The following BLTP1 variants were observed in gnomAD, a reference collection of about 807,000 sequenced individuals.
BLTP1 encodes the protein fragile site-associated protein.
At chr4:122,349,992 A>G in the BLTP1 span, 5 of 1,613,818 alleles carry the variant, frequency 3.1e-6, no homozygotes, top group Non-Finnish European at 4.2e-6. The surrounding 1 kb of genome is among the most constrained non-coding windows in gnomAD (Gnocchi z 4.5). Flanking sequence ...CCAGCAAACG[A>G]GCTCTGTCTA....
the BLTP1 span, chr4:122,152,642 C>T: frequency 1.0e-6 from 1 of 985,352 alleles, no homozygotes; most frequent in Non-Finnish European, 1.2e-6. Context: ...TTTCCAGTGT[C>T]TCTGGAACTC....
At chr4:122,244,821 T>C in the BLTP1 span, 1 of 382,894 alleles carries the variant, frequency 2.6e-6, no homozygotes, top group African/African-American at 2.2e-5. Context: ...CATCTTGGGG[T>C]GAAGGTGGTG....
the BLTP1 span, chr4:122,266,690 G>A: frequency 2.6e-5 from 29 of 1,130,960 alleles, no homozygotes; most frequent in Non-Finnish European, 3.6e-5. Flanking sequence ...ACTGAGGTAG[G>A]GTAAGAAATA....
At chr4:122,345,119 T>A in the BLTP1 span, 1 of 724,374 alleles carries the variant, frequency 1.4e-6, no homozygotes, top group Non-Finnish European at 1.7e-6. Context: ...TATGTTCACT[T>A]AACCCAATAT....
chr4:122,302,776 T>C, the BLTP1 span, among the ~76,000 whole-genome samples: 8 of 152,274 alleles, frequency 5.3e-5, no homozygotes, highest in Admixed American at 2.0e-4. Context: ...ATTGCAGATA[T>C]GGAGAAAGTT....
At chr4:122,350,757 A>G in the BLTP1 span, among the ~76,000 whole-genome samples, 1 of 152,164 alleles carries the variant, frequency 6.6e-6, no homozygotes, top group African/African-American at 2.4e-5. Context: ...ATGTGGGGGA[A>G]GAGAGTTCCA....
At chr4:122,217,569 C>T in the BLTP1 span, among the ~76,000 whole-genome samples, 1 of 152,138 alleles carries the variant, frequency 6.6e-6, no homozygotes, top group East Asian at 1.9e-4. Flanking sequence ...GTGAAACCCA[C>T]TTGATCATGG....
chr4:122,348,326 A>G, the BLTP1 span, among the ~76,000 whole-genome samples: 1 of 152,168 alleles, frequency 6.6e-6, no homozygotes, highest in Non-Finnish European at 1.5e-5. Context: ...ATTTCCTCAT[A>G]TAAAATGGGG....
At chr4:122,308,854 G>A in the BLTP1 span, among the ~76,000 whole-genome samples, 1 of 151,972 alleles carries the variant, frequency 6.6e-6, no homozygotes, top group Non-Finnish European at 1.5e-5. Context: ...GATTCTGTTC[G>A]GTAAGACAGT....
the BLTP1 span, among the ~76,000 whole-genome samples, chr4:122,268,354 G>C: frequency 6.6e-6 from 1 of 152,024 alleles, no homozygotes; most frequent in Non-Finnish European, 1.5e-5. Flanking sequence ...TGTGTGCCTT[G>C]GTAAAATGTC....
the BLTP1 span, chr4:122,357,102 T>C: frequency 1.1e-6 from 1 of 886,920 alleles, no homozygotes. Flanking sequence ...AAGCATGAGT[T>C]ATTTACCTAA....
chr4:122,253,257 G>A, the BLTP1 span, among the ~76,000 whole-genome samples: 2 of 152,014 alleles, frequency 1.3e-5, no homozygotes, highest in East Asian at 1.9e-4. Flanking sequence ...ATTGATGAAC[G>A]TCCACAAACA....
At chr4:122,300,047 C>G in the BLTP1 span, 1 of 641,526 alleles carries the variant, frequency 1.6e-6, no homozygotes, top group South Asian at 7.0e-5. Context: ...TCTCTGTCAT[C>G]CAGGCTGGAA....
At chr4:122,154,432 AT>A in the BLTP1 span, 1 of 985,180 alleles carries the variant, frequency 1.0e-6, no homozygotes, top group African/African-American at 1.7e-5. Flanking sequence ...TGAGCTATTG[AT>A]ACCTGATTGA....
At chr4:122,310,373 C>A in the BLTP1 span, among the ~76,000 whole-genome samples, 2 of 151,866 alleles carry the variant, frequency 1.3e-5, no homozygotes, top group African/African-American at 4.8e-5. Flanking sequence ...AATAAAAGAC[C>A]AATTAATGAG....
At chr4:122,213,696 A>G in the BLTP1 span, among the ~76,000 whole-genome samples, 8 of 152,150 alleles carry the variant, frequency 5.3e-5, no homozygotes, top group African/African-American at 1.4e-4. Flanking sequence ...AAAAATTCTA[A>G]GAAGAATATG....
chr4:122,288,998 C>CT, the BLTP1 span: 2 of 1,359,864 alleles, frequency 1.5e-6, no homozygotes, highest in Non-Finnish European at 2.0e-6. Flanking sequence ...ATAATTATCT[C>CT]TTTTTTCCTC....
chr4:122,207,722 C>A, the BLTP1 span: 1 of 1,167,232 alleles, frequency 8.6e-7, no homozygotes, highest in Non-Finnish European at 1.2e-6. Context: ...TCTCTTCTCC[C>A]CAGTCCATTG....
At chr4:122,184,921 A>C in the BLTP1 span, 1 of 984,530 alleles carries the variant, frequency 1.0e-6, no homozygotes, top group Non-Finnish European at 1.2e-6. Flanking sequence ...TTCTGATTTC[A>C]TTATTCCTAC....
Sources: gnomAD v4.1 joint callset for allele counts (sites outside exome capture counted in the v4.1 genomes callset) on GRCh38, gnomAD v4.1.1 for gene constraint, Gnocchi (gnomAD v3.1) non-coding constraint, MANE v1.5 for transcripts, NCBI Gene and HGNC (gene_info 2026-07-23, HGNC 2026-07-21) for gene names.